The following FXN variants were observed in gnomAD, a reference collection of about 807,000 sequenced individuals.
FXN encodes frataxin.
A neutral mutation model predicts 22.4 loss-of-function variants in FXN; 14 were observed. That is an observed-to-expected ratio of 0.62 (90% CI 0.41 to 0.98). FXN has a LOEUF of 0.98. Ranked by LOEUF, FXN falls within the 50% of genes least tolerant of loss-of-function variation. FXN has a pLI of 0.00. For synonymous variants in FXN, 120 were observed against 114.1 expected (o/e 1.05, Z -0.33); for missense variants, 267 against 268.4 (o/e 0.99, Z 0.04).
At chr9:69,068,910 C>G (rs1013521922) in intron 4 of FXN, among the ~76,000 whole-genome samples, 2 of 152,224 alleles carry the variant, frequency 1.3e-5, no homozygotes, top group African/African-American at 4.8e-5. Flanking sequence ...TCCTGAACTT[C>G]CCCGAGTGAC....
chr9:69,070,558 G>GAAAC (rs778713583), intron 4 of FXN, among the ~76,000 whole-genome samples: 77 of 152,210 alleles, frequency 5.1e-4, no homozygotes, highest in Non-Finnish European at 9.0e-4. Context: ...GAGGCTCAGG[G>GAAAC]AAACACCAGC....
At chr9:69,057,245 G>A (rs1261082314) in intron 3 of FXN, among the ~76,000 whole-genome samples, 2 of 152,166 alleles carry the variant, frequency 1.3e-5, no homozygotes, top group African/African-American at 4.8e-5. Context: ...ATAGTTTGTT[G>A]AGTCAGTTGG....
At position 69,073,913 on chromosome 9, in the gene FXN, G is replaced by A. The variant is rs1832319573; in HGVS notation, c.*1151G>A. The A allele has an allele frequency of 2.0e-6, 2 of 982,872 alleles. No individual in the cohort carries two copies. Among genetic ancestry groups the A allele is most frequent in the Admixed American group, 1.2e-4 (2 of 16,254 alleles). 60.9% of individuals were successfully genotyped at this position (982,872 alleles called of 1,614,324 possible). A position where few individuals can be genotyped will look rare whatever the true frequency, so the allele number is the denominator to read the frequency against. On this transcript the variant is annotated 3_prime_UTR_variant, in exon 5 of 5. Transcript: ENST00000484259. ...TAATAGCCATCCTTGGCCTGGCGCG[G>A]TGGCTCACACCTGTAATCCCAGCAC...
rs553433126 is a variant in FXN at position 69,078,181 on chromosome 9, T to A, written c.*5419T>A. The A allele has an allele frequency of 6.1e-6, 6 of 984,612 alleles. No homozygotes were observed. In the South Asian group the frequency reaches 1.9e-4, roughly 31 times the overall value. 61.0% of individuals were successfully genotyped at this position (984,612 alleles called of 1,614,324 possible). ...GATTTCTCTGTAAGATTGCCTAGGC[T>A]GTGTACTGCACATCTCCAGGTGCCA... On this transcript the variant is annotated 3_prime_UTR_variant, in exon 5 of 5. Transcript: ENST00000484259.
chr9:69,078,528 C>T lies in FXN; in HGVS notation c.*5766C>T, dbSNP rs1832411445. 1.0e-6 allele frequency: 1 copy of T among 985,506 alleles called. No individual in the cohort carries two copies. Among genetic ancestry groups the T allele is most frequent in the African/African-American group, 1.7e-5 (1 of 57,326 alleles). The allele number at this position is 985,506 out of a possible 1,614,324, so 61.0% of individuals were successfully genotyped here. A position where few individuals can be genotyped will look rare whatever the true frequency, so the allele number is the denominator to read the frequency against. ...CAATCTCTTGTCTGTAAAACCTAAGCAGGACCAAGGCCAAGTTTCTTAGCC... is the reference window on the plus strand; with the variant it reads ...CAATCTCTTGTCTGTAAAACCTAAGTAGGACCAAGGCCAAGTTTCTTAGCC... On this transcript the variant is annotated 3_prime_UTR_variant, in exon 5 of 5. Transcript: ENST00000484259.
intron 4 of FXN, among the ~76,000 whole-genome samples, chr9:69,070,229 A>C (rs868404974): frequency 8.4e-5 from 12 of 142,538 alleles, no homozygotes; most frequent in Middle Eastern, 3.7e-3. Flanking sequence ...ACCCCATCTC[A>C]AAAAAAAAAA....
In FXN at chr9:69,072,886, G is replaced by A; in HGVS notation, c.*124G>A. ...TTTTTTATTCCTGCTTTTGAGGACA[G>A]TTGGGCTATGTGTCACAGCTCTGTA... On this transcript the variant is annotated 3_prime_UTR_variant, in exon 5 of 5. Coordinates refer to ENST00000484259, the MANE Select transcript of FXN (RefSeq NM_000144.5). The A allele has an allele frequency of 6.4e-7, 1 of 1,563,476 alleles. No individual in the cohort carries two copies. The highest frequency in any genetic ancestry group is 1.2e-5 in the South Asian group (1 of 86,270).
At chr9:69,070,253 G>A (rs777197335) in intron 4 of FXN, among the ~76,000 whole-genome samples, 2 of 151,900 alleles carry the variant, frequency 1.3e-5, no homozygotes, top group African/African-American at 2.4e-5. Flanking sequence ...GAAAGAAAAC[G>A]GCCCAGGAAG....
At position 69,075,331 on chromosome 9, in the gene FXN, G is replaced by A. The variant is rs919053911; in HGVS notation, c.*2569G>A. On this transcript the variant is annotated 3_prime_UTR_variant, in exon 5 of 5. Transcript: ENST00000484259. ...AAAAATTGGCTGGGCGTGGTGGTTCGTGCCTATAATTTCAGCTACTCAGGA... is the reference window on the plus strand; with the variant it reads ...AAAAATTGGCTGGGCGTGGTGGTTCATGCCTATAATTTCAGCTACTCAGGA... The A allele has an allele frequency of 1.6e-5, 9 of 574,192 alleles. No individual in the cohort carries two copies. Among genetic ancestry groups the A allele is most frequent in the Admixed American group, 6.4e-5 (1 of 15,686 alleles). The allele number at this position is 574,192 out of a possible 1,614,324, so 35.6% of individuals were successfully genotyped here. A position where few individuals can be genotyped will look rare whatever the true frequency, so the allele number is the denominator to read the frequency against.
chr9:69,046,162 T>C (rs1831748311), intron 1 of FXN, among the ~76,000 whole-genome samples: 1 of 152,086 alleles, frequency 6.6e-6, no homozygotes, highest in African/African-American at 2.4e-5. Flanking sequence ...AAGGTTATAT[T>C]TGCATTTCTG....
chr9:69,036,808 G>A (rs1324456026), intron 1 of FXN, among the ~76,000 whole-genome samples: 1 of 152,196 alleles, frequency 6.6e-6, no homozygotes, highest in African/African-American at 2.4e-5. Flanking sequence ...GAATGGCTGT[G>A]GGGATGAGGA....
chr9:69,055,334 A>G (rs1831936452), intron 3 of FXN, among the ~76,000 whole-genome samples: 1 of 152,200 alleles, frequency 6.6e-6, no homozygotes. Flanking sequence ...AACTCTGCCC[A>G]CACATGCAGA....
chr9:69,076,578 A>G lies in FXN; in HGVS notation c.*3816A>G, dbSNP rs1832372917. 3.0e-6 allele frequency: 3 copies of G among 985,338 alleles called. No individual in the cohort carries two copies. Among genetic ancestry groups the G allele is most frequent in the South Asian group, 4.7e-5 (1 of 21,290 alleles). The allele number at this position is 985,338 out of a possible 1,614,324, so 61.0% of individuals were successfully genotyped here. ...GTTTGCATTAAATTATAGGTTTACA[A>G]TATGCTTTATCCAGCTATACCTGCC... On this transcript the variant is annotated 3_prime_UTR_variant, in exon 5 of 5. Coordinates refer to ENST00000484259, the MANE Select transcript of FXN (RefSeq NM_000144.5).
rs1832373700 is a variant in FXN, at chr9:69,076,616, A to G, written c.*3854A>G. On this transcript the variant is annotated 3_prime_UTR_variant, in exon 5 of 5. Coordinates refer to ENST00000484259, the MANE Select transcript of FXN (RefSeq NM_000144.5). ...AGCTATACCTGCCCCAAATTCTGAC[A>G]GATGCTTTTGCCACCTCTAAAGGAA... 1 of 985,486 alleles carries G rather than the reference A, an allele frequency of 1.0e-6. No homozygotes were observed. The highest frequency in any genetic ancestry group is 1.2e-6 in the Non-Finnish European group (1 of 829,946). The allele number at this position is 985,486 out of a possible 1,614,324, so 61.0% of individuals were successfully genotyped here.
intron 3 of FXN, among the ~76,000 whole-genome samples, chr9:69,056,270 A>ATC (rs1831957220): frequency 6.6e-6 from 1 of 152,200 alleles, no homozygotes. Flanking sequence ...TAACTGAAAA[A>ATC]CAAGCACTTC....
chr9:69,036,603 C>T (rs1045431341), intron 1 of FXN, among the ~76,000 whole-genome samples: 25 of 152,220 alleles, frequency 1.6e-4, no homozygotes, highest in Non-Finnish European at 1.5e-4. Flanking sequence ...CCCCTAACCT[C>T]TCTGAGACGT....
chr9:69,052,833 C>T (rs938385030), intron 2 of FXN, among the ~76,000 whole-genome samples: 23 of 151,936 alleles, frequency 1.5e-4, no homozygotes, highest in Non-Finnish European at 3.1e-4. Context: ...TGAGCTACCA[C>T]GCCCGGCCTT....
intron 3 of FXN, among the ~76,000 whole-genome samples, chr9:69,054,703 C>T (rs1831923410): frequency 6.6e-6 from 1 of 152,158 alleles, no homozygotes. Flanking sequence ...GACAGTGTTT[C>T]ACCACGTTGG....
chr9:69,036,894 G>T (rs949413480), intron 1 of FXN, among the ~76,000 whole-genome samples: 2 of 152,150 alleles, frequency 1.3e-5, no homozygotes, highest in Non-Finnish European at 2.9e-5. Flanking sequence ...GGTGTTTCAC[G>T]AGGAGGGAAC....
Sources: allele counts gnomAD v4.1 joint callset (sites outside exome capture counted in the v4.1 genomes callset), GRCh38; gene constraint gnomAD v4.1.1; transcripts MANE v1.5; gene names NCBI Gene and HGNC (gene_info 2026-07-23, HGNC 2026-07-21).